MYOF: variants seen among roughly 807,000 people sequenced by gnomAD.
MYOF encodes the protein fer-1-like 3, myoferlin.
A neutral mutation model predicts 284.2 loss-of-function variants in MYOF; 244 were observed. That is an observed-to-expected ratio of 0.86 (90% confidence interval 0.77 to 0.95). The LOEUF (loss-of-function observed/expected upper bound fraction) is 0.95, where lower values mean the gene tolerates loss of function less well. Ranked by LOEUF, MYOF falls within the 40% of genes least tolerant of loss-of-function variation. The pLI is 0.00. For missense variants in MYOF, 2,496 were observed against 2,560.6 expected (o/e 0.97, Z 0.54); for synonymous variants, 904 against 919.7 (o/e 0.98, Z 0.31).
chr10:93,352,994 G>C (rs775724166), intron 32 of MYOF, among the ~76,000 whole-genome samples: 9 of 152,316 alleles, frequency 5.9e-5, no homozygotes, highest in Non-Finnish European at 1.0e-4. Context: ...GAGCACATGA[G>C]AGTGTCAGTC....
intron 24 of MYOF, among the ~76,000 whole-genome samples, chr10:93,371,596 T>C (rs1322692546): frequency 6.6e-6 from 1 of 152,238 alleles, no homozygotes. Context: ...ATGTAATTGA[T>C]GTAATTTATG....
rs574947758 is a variant in MYOF at position 93,462,988 on chromosome 10, G to C, written c.89-6051C>G. Among the ~76,000 whole-genome samples the C allele has an allele frequency of 1.4e-4, 22 of 152,210 alleles. No individual in the cohort carries two copies. The East Asian group carries it at 3.9e-3, about 27-fold the overall frequency. On this transcript the variant is annotated intron_variant, in intron 1 of 53. Transcript: ENST00000359263. ...TATGGAAAGCAATAAAATATTTTCA[G>C]CTCAGAACATAACAACTGACTCAAA...
intron 52 of MYOF, 59 bp from the exon 53 acceptor site, chr10:93,310,226 C>T (rs1000579700): frequency 6.4e-7 from 1 of 1,569,322 alleles, no homozygotes; most frequent in Non-Finnish European, 8.7e-7. Flanking sequence ...TATTTTATTC[C>T]AGAGCATAAC....
intron 15 of MYOF, 30 bp from the exon 16 acceptor site, chr10:93,396,254 A>T: frequency 7.4e-6 from 11 of 1,492,154 alleles, no homozygotes; most frequent in Non-Finnish European, 1.0e-5. Flanking sequence ...AAAAAAATAA[A>T]AAATAAAAGG....
At chr10:93,372,639 G>T (rs1845644746) in intron 24 of MYOF, among the ~76,000 whole-genome samples, 1 of 152,210 alleles carries the variant, frequency 6.6e-6, no homozygotes, top group South Asian at 2.1e-4. Context: ...GCATTGCCTT[G>T]TGTGAAATAT....
intron 49 of MYOF, among the ~76,000 whole-genome samples, chr10:93,318,578 G>A (rs991685506): frequency 6.6e-6 from 1 of 152,010 alleles, no homozygotes; most frequent in African/African-American, 2.4e-5. Context: ...GACCAACACG[G>A]AGAAACCCCG....
intron 4 of MYOF, among the ~76,000 whole-genome samples, chr10:93,428,332 C>T (rs1365446093): frequency 1.3e-5 from 2 of 151,240 alleles, no homozygotes; most frequent in African/African-American, 4.9e-5. Context: ...TCCTGGGTAG[C>T]TGGGATTACA....
At chr10:93,322,571 C>T (rs901359755) in intron 48 of MYOF, among the ~76,000 whole-genome samples, 3 of 152,190 alleles carry the variant, frequency 2.0e-5, no homozygotes, top group African/African-American at 7.2e-5. Flanking sequence ...AACAATGACA[C>T]TTGACATGTT....
intron 5 of MYOF, among the ~76,000 whole-genome samples, chr10:93,414,932 CGG>C (rs959011968): frequency 6.6e-6 from 1 of 151,970 alleles, no homozygotes; most frequent in Non-Finnish European, 1.5e-5. Flanking sequence ...TTAGTAGAGA[CGG>C]GGTTTCGCCA....
chr10:93,353,870 A>G lies in MYOF; in HGVS notation c.3422T>C (p.Leu1141Pro). The change falls in exon 32 of 54, where the codon CTG becomes CCG. Residue 1141 changes from leucine (L) to proline (P), a missense_variant. By Grantham distance (98) the Leu-to-Pro change is moderately conservative. Transcript: ENST00000359263. ...CNFDRVYIYH[L>P]RCYVYQARNL... is the part of the protein sequence containing the mutation. Reference sequence around the variant, plus strand: ...TCTGGCTTGATAGACATAGCAGCGCAGATGGTAGATGTAGACTCCTAAAAA... The same window carrying G: ...TCTGGCTTGATAGACATAGCAGCGCGGATGGTAGATGTAGACTCCTAAAAA... 5 of 1,609,884 alleles carry G rather than the reference A, an allele frequency of 3.1e-6. No individual in the cohort carries two copies. Among genetic ancestry groups the G allele is most frequent in the Non-Finnish European group, 3.4e-6 (4 of 1,177,146 alleles).
intron 5 of MYOF, among the ~76,000 whole-genome samples, chr10:93,422,191 C>G (rs533109392): frequency 6.6e-6 from 1 of 152,348 alleles, no homozygotes; most frequent in South Asian, 2.1e-4. Context: ...GCAGACACAG[C>G]TCATTTGCAG....
intron 3 of MYOF, among the ~76,000 whole-genome samples, chr10:93,438,992 C>T (rs1024813215): frequency 6.6e-6 from 1 of 152,162 alleles, no homozygotes; most frequent in Non-Finnish European, 1.5e-5. Context: ...GATCCTCAAC[C>T]GTGATTCCCA....
At chr10:93,427,699 A>C (rs1848660048) in intron 4 of MYOF, among the ~76,000 whole-genome samples, 1 of 152,062 alleles carries the variant, frequency 6.6e-6, no homozygotes, top group African/African-American at 2.4e-5. Context: ...TGACCTCCGA[A>C]ATGCCTAGAG....
At chr10:93,384,089 CGCT>C (rs1026636897) in intron 19 of MYOF, among the ~76,000 whole-genome samples, 1 of 152,158 alleles carries the variant, frequency 6.6e-6, no homozygotes, top group African/African-American at 2.4e-5. Context: ...ATGAGCAAGC[CGCT>C]GAAGATGGAG....
intron 3 of MYOF, among the ~76,000 whole-genome samples, chr10:93,449,844 C>G (rs1191887331): frequency 1.3e-5 from 2 of 152,078 alleles, no homozygotes; most frequent in Admixed American, 1.3e-4. Context: ...CGGTCAGCAA[C>G]AGAGAATGGT....
intron 32 of MYOF, among the ~76,000 whole-genome samples, chr10:93,352,739 C>G (rs1844579695): frequency 6.6e-6 from 1 of 152,220 alleles, no homozygotes; most frequent in Non-Finnish European, 1.5e-5. Flanking sequence ...ATTCTTCTAT[C>G]TCAAACTGCA....
At chr10:93,403,893 G>T in intron 9 of MYOF, 130 bp downstream of exon 9, 3 of 957,154 alleles carry the variant, frequency 3.1e-6, no homozygotes, top group Non-Finnish European at 4.9e-6. Flanking sequence ...GCAGCCTTCA[G>T]CAAGTGTCAT....
intron 19 of MYOF, among the ~76,000 whole-genome samples, chr10:93,381,657 TAAAC>T (rs914765919): frequency 4.2e-4 from 64 of 152,316 alleles, no homozygotes; most frequent in African/African-American, 1.4e-3. Context: ...GACCACTTGT[TAAAC>T]AAGTTATGTT....
intron 37 of MYOF, 46 bp downstream of exon 37, chr10:93,347,571 A>ATAAATAAAT: frequency 6.8e-7 from 1 of 1,469,970 alleles, no homozygotes; most frequent in South Asian, 1.5e-5. Context: ...AAAAAAAAAA[A>ATAAATAAAT]AAAAAAAGAA....
Sources: gnomAD v4.1 joint callset for allele counts (sites outside exome capture counted in the v4.1 genomes callset) on GRCh38, gnomAD v4.1.1 for gene constraint, MANE v1.5 for transcripts, NCBI Gene and HGNC (gene_info 2026-07-23, HGNC 2026-07-21) for gene names.